The following TCERG1L variants were observed in gnomAD, a reference collection of about 807,000 sequenced individuals.
The protein encoded by TCERG1L is transcription elongation regulator 1 like.
TCERG1L carries 37 observed loss-of-function variants against 56.3 expected under a neutral mutation model. The ratio of observed to expected loss-of-function variants is 0.66; its 90% CI spans 0.51 to 0.87. The LOEUF is 0.87. Among genes scored for constraint, TCERG1L ranks in the 40% least tolerant of loss-of-function variants. The pLI, the probability that TCERG1L is intolerant of heterozygous loss-of-function variation, is 0.00. For synonymous variants in TCERG1L, 324 were observed against 326.3 expected (o/e 0.99, Z 0.08); for missense variants, 799 against 774.2 (o/e 1.03, Z -0.38).
rs149753649 is a variant in TCERG1L, at chr10:131,251,680, C to G, written c.856+8579G>C. Among the ~76,000 whole-genome samples, 72 of 152,342 alleles carry G rather than the reference C, an allele frequency of 4.7e-4. 1 individual carries two copies. The East Asian group carries it at 8.9e-3, about 19-fold the overall frequency. On this transcript the variant is annotated intron_variant, in intron 4 of 11. Coordinates refer to ENST00000368642, the MANE Select transcript of TCERG1L (RefSeq NM_174937.4). ...GGTTTTCACTGTTTCTTACTTAATG[C>G]TGTTCTTCTGACCCTCTCCAAGGTC...
intron 3 of TCERG1L, among the ~76,000 whole-genome samples, chr10:131,303,735 C>T (rs1049461958): frequency 2.6e-5 from 4 of 152,010 alleles, no homozygotes; most frequent in Non-Finnish European, 4.4e-5. Context: ...ATGCATAATT[C>T]GTTCTTCTCT....
chr10:131,121,283 G>T (rs1329899311), intron 8 of TCERG1L, among the ~76,000 whole-genome samples: 2 of 152,178 alleles, frequency 1.3e-5, no homozygotes, highest in Non-Finnish European at 2.9e-5. Flanking sequence ...ATGTGATGAG[G>T]TCAAGGTGTT....
At chr10:131,308,770 A>G (rs1036839123) in intron 2 of TCERG1L, among the ~76,000 whole-genome samples, 1 of 152,240 alleles carries the variant, frequency 6.6e-6, no homozygotes, top group Non-Finnish European at 1.5e-5. Context: ...AAAACAAACC[A>G]TTAGAAAGAT....
rs141357318 is a variant in TCERG1L at position 131,308,247 on chromosome 10, G to A, written c.634C>T (p.Leu212Phe). The A allele has an allele frequency of 1.6e-4, 255 of 1,613,906 alleles. No individual in the cohort carries two copies. The African/African-American group carries it at 3.3e-3, about 21-fold the overall frequency. ...TGAGGTGCTAACACCACCGTGGGGAGCGGCCTGGAGGCAGGAGCCGGCCTG... is the reference window on the plus strand; with the variant it reads ...TGAGGTGCTAACACCACCGTGGGGAACGGCCTGGAGGCAGGAGCCGGCCTG... ...LSRPAPASRP[L>F]PTVVLAPQPI... Residue 212 changes from leucine to phenylalanine, a missense_variant, in exon 3 of 12, where the codon CTC (leucine) becomes TTC (phenylalanine). Physicochemically the swap from Leu to Phe is conservative, Grantham distance 22. Transcript: ENST00000368642.
rs1845429348 is a variant in TCERG1L, at chr10:131,113,563, G to A, written c.1395+3236C>T. On this transcript the variant is annotated intron_variant, in intron 9 of 11. Coordinates refer to ENST00000368642, the MANE Select transcript of TCERG1L (RefSeq NM_174937.4). ...GCTGTCAACACCCATCTTAGCACAA[G>A]GAGAAATCGTCACAGCGAAGCCTGC... Among the ~76,000 whole-genome samples the A allele has an allele frequency of 3.5e-5, 5 of 142,502 alleles. 1 individual carries two copies. In the South Asian group the frequency reaches 1.3e-3, roughly 37 times the overall value. The allele number at this position is 142,502 out of a possible 152,430, so 93.5% of individuals were successfully genotyped here.
chr10:131,285,902 G>A (rs1013606218), intron 3 of TCERG1L, among the ~76,000 whole-genome samples: 11 of 152,222 alleles, frequency 7.2e-5, no homozygotes, highest in East Asian at 3.9e-4. Flanking sequence ...GCCCAGTGGC[G>A]GGTGGTTAAA....
At position 131,145,276 on chromosome 10, in the gene TCERG1L, T is replaced by C. The variant is rs565667891; in HGVS notation, c.1189+1230A>G. On this transcript the variant is annotated intron_variant, in intron 7 of 11. Transcript: ENST00000368642. ...AAGAACCTTGAAAGGGTGCTTCCTG[T>C]CATGATTTTAAAGCACTCTTTCAAG... 1.2e-3 allele frequency among the ~76,000 whole-genome samples: 186 copies of C among 152,352 alleles called. 1 individual carries two copies. The South Asian group carries it at 0.022, about 18-fold the overall frequency.
At chr10:131,099,121 C>T (rs891400417) in intron 10 of TCERG1L, among the ~76,000 whole-genome samples, 2 of 152,188 alleles carry the variant, frequency 1.3e-5, no homozygotes, top group Non-Finnish European at 2.9e-5. Context: ...TGGGCACTCC[C>T]ATCTGACCAG....
At chr10:131,171,621 C>T (rs918197442) in intron 4 of TCERG1L, among the ~76,000 whole-genome samples, 5 of 152,160 alleles carry the variant, frequency 3.3e-5, no homozygotes, top group Non-Finnish European at 5.9e-5. Context: ...CTCTGTCATC[C>T]AGGCTGGAGT....
chr10:131,256,997 G>GGAAGGAAAGA (rs1564827192), intron 4 of TCERG1L, among the ~76,000 whole-genome samples: 4 of 74,168 alleles, frequency 5.4e-5, no homozygotes, highest in African/African-American at 1.5e-4. Context: ...AGGAAGGAAA[G>GGAAGGAAAGA]AAAGAAAGAA....
chr10:131,305,570 A>G (rs1846811540), intron 3 of TCERG1L, among the ~76,000 whole-genome samples: 1 of 152,090 alleles, frequency 6.6e-6, no homozygotes, highest in Admixed American at 6.5e-5. Flanking sequence ...ATAAATTGCT[A>G]TTATCCCTAA....
Position 131,187,166 on chromosome 10 carries a change from C to T in TCERG1L, c.857-20281G>A, listed in dbSNP as rs76938438. Among the ~76,000 whole-genome samples the T allele has an allele frequency of 4.4e-4, 67 of 152,370 alleles. No individual in the cohort carries two copies. The East Asian group carries it at 0.012, about 28-fold the overall frequency. On this transcript the variant is annotated intron_variant, in intron 4 of 11. Coordinates refer to ENST00000368642, the MANE Select transcript of TCERG1L (RefSeq NM_174937.4). Reference sequence around the variant, plus strand: ...CCAAGAAGTGGGCAGAGGACAGAGGCTGTGCTACCAAAGACAGTGACCTCA... The same window carrying T: ...CCAAGAAGTGGGCAGAGGACAGAGGTTGTGCTACCAAAGACAGTGACCTCA...
intron 4 of TCERG1L, among the ~76,000 whole-genome samples, chr10:131,240,377 C>T (rs532202052): frequency 9.9e-5 from 15 of 150,898 alleles, no homozygotes; most frequent in South Asian, 2.1e-4. Context: ...GTATTGGGTA[C>T]GCTTTATGGA....
intron 3 of TCERG1L, among the ~76,000 whole-genome samples, chr10:131,264,249 C>T (rs1251941291): frequency 1.3e-5 from 2 of 152,162 alleles, no homozygotes; most frequent in African/African-American, 2.4e-5. Flanking sequence ...GGGACTGGGG[C>T]AACACACCCT....
chr10:131,225,084 CA>C (rs1845777940), intron 4 of TCERG1L, among the ~76,000 whole-genome samples: 1 of 152,116 alleles, frequency 6.6e-6, no homozygotes, highest in African/African-American at 2.4e-5. Context: ...CAGATGGGAA[CA>C]AAGAGGTTCC....
intron 7 of TCERG1L, 151 bp downstream of exon 7, chr10:131,146,355 C>G: frequency 1.1e-6 from 1 of 893,422 alleles, no homozygotes; most frequent in Non-Finnish European, 1.6e-6. Flanking sequence ...GCCATAAAAA[C>G]TTGATTACTA....
chr10:131,255,500 G>A (rs192847052), intron 4 of TCERG1L, among the ~76,000 whole-genome samples: 11 of 152,382 alleles, frequency 7.2e-5, no homozygotes, highest in Admixed American at 7.2e-4. Flanking sequence ...AGCAGGAGGT[G>A]AGGCTGGGGT....
chr10:131,200,569 G>A (rs760566156), intron 4 of TCERG1L, among the ~76,000 whole-genome samples: 9 of 152,146 alleles, frequency 5.9e-5, no homozygotes, highest in Non-Finnish European at 1.2e-4. Flanking sequence ...TTTTGGAATC[G>A]GATGACTTGC....
chr10:131,170,879 G>A (rs527376875), intron 4 of TCERG1L, among the ~76,000 whole-genome samples: 3 of 152,274 alleles, frequency 2.0e-5, no homozygotes, highest in South Asian at 2.1e-4. Flanking sequence ...CGGGCGCCGT[G>A]GCTCACACCT....
Sources: allele counts gnomAD v4.1 joint callset (sites outside exome capture counted in the v4.1 genomes callset), GRCh38; gene constraint gnomAD v4.1.1; transcripts MANE v1.5; gene names NCBI Gene and HGNC (gene_info 2026-07-23, HGNC 2026-07-21).